The following OCA2 variants were observed in gnomAD, a reference collection of about 807,000 sequenced individuals.
OCA2 encodes the protein P protein.
A neutral mutation model predicts 100.2 loss-of-function variants in OCA2; 77 were observed. The observed-to-expected ratio is 0.77, with a 90% confidence interval of 0.64 to 0.93. OCA2 has a LOEUF of 0.93. Among genes scored for constraint, OCA2 ranks in the 40% least tolerant of loss-of-function variants. The pLI, the probability that OCA2 is intolerant of heterozygous loss-of-function variation, is 0.00. For missense variants in OCA2, 1,062 were observed against 1,089.1 expected, an observed-to-expected ratio of 0.98 and a Z score of 0.35; for synonymous variants, 432 against 439.2, an observed-to-expected ratio of 0.98 and a Z score of 0.21.
intron 23 of OCA2, among the ~76,000 whole-genome samples, chr15:27,835,601 T>C (rs932985358): frequency 6.6e-6 from 1 of 152,248 alleles, no homozygotes; most frequent in African/African-American, 2.4e-5. Flanking sequence ...CATTTTGGGA[T>C]GACTTGTTAG....
At chr15:27,788,622 T>C (rs1165923129) in intron 23 of OCA2, among the ~76,000 whole-genome samples, 1 of 152,118 alleles carries the variant, frequency 6.6e-6, no homozygotes, top group Non-Finnish European at 1.5e-5. Context: ...AACCTAAATA[T>C]GTAAACAGAT....
intron 2 of OCA2, 25 bp from the exon 3 acceptor site, chr15:28,032,188 G>A (rs2042925371): frequency 2.0e-6 from 3 of 1,511,080 alleles, no homozygotes; most frequent in Non-Finnish European, 2.8e-6. Context: ...GTAGGAAACA[G>A]AATCACCAAC....
At chr15:28,007,040 T>C (rs1488444881) in intron 9 of OCA2, among the ~76,000 whole-genome samples, 1 of 152,294 alleles carries the variant, frequency 6.6e-6, no homozygotes, top group East Asian at 1.9e-4. Flanking sequence ...AAATTAAATA[T>C]GAAAGGACCC....
intron 19 of OCA2, among the ~76,000 whole-genome samples, chr15:27,906,730 TAAGTC>T (rs1420462927): frequency 1.4e-5 from 2 of 145,538 alleles, no homozygotes; most frequent in Non-Finnish European, 3.0e-5. Context: ...TTTTTAAAAA[TAAGTC>T]AATGAAAAAA....
At chr15:28,010,009 G>C (rs1266573410) in intron 9 of OCA2, among the ~76,000 whole-genome samples, 1 of 151,956 alleles carries the variant, frequency 6.6e-6, no homozygotes, top group Non-Finnish European at 1.5e-5. Flanking sequence ...ACATTAGAAA[G>C]GAAGGATTTA....
At position 28,055,431 on chromosome 15, in the gene OCA2, T is replaced by A. The variant is rs2043660459; in HGVS notation, c.228-23268A>T. Among the ~76,000 whole-genome samples, 2 of 152,244 alleles carry A rather than the reference T, an allele frequency of 1.3e-5. 1 individual carries two copies. The highest frequency in any genetic ancestry group is 4.1e-4 in the South Asian group (2 of 4,830). On this transcript the variant is annotated intron_variant, in intron 2 of 23. Coordinates refer to ENST00000354638, the MANE Select transcript of OCA2 (RefSeq NM_000275.3). ...TCTTCCAGGTTTGCTTTCATTTCAATGCTGTTTCCCCTGAGAACCGCTCAT... is the reference window on the plus strand; with the variant it reads ...TCTTCCAGGTTTGCTTTCATTTCAAAGCTGTTTCCCCTGAGAACCGCTCAT...
chr15:28,075,558 A>G (rs2044404055), intron 2 of OCA2, among the ~76,000 whole-genome samples: 1 of 152,228 alleles, frequency 6.6e-6, no homozygotes, highest in South Asian at 2.1e-4. Context: ...TAACTCAGCA[A>G]TCTCATTCTT....
intron 23 of OCA2, among the ~76,000 whole-genome samples, chr15:27,759,736 T>C (rs1006073968): frequency 2.0e-5 from 3 of 152,114 alleles, no homozygotes; most frequent in African/African-American, 4.8e-5. Context: ...CACAAATGGA[T>C]TGTAGACTGA....
the OCA2 span, among the ~76,000 whole-genome samples, chr15:27,740,617 G>A: frequency 1.8e-4 from 28 of 152,150 alleles, no homozygotes; most frequent in Non-Finnish European, 1.3e-4. Context: ...AGTTACACAT[G>A]GTCCTTGATT....
intron 22 of OCA2, among the ~76,000 whole-genome samples, chr15:27,849,580 C>A (rs1350860729): frequency 6.6e-6 from 1 of 151,228 alleles, no homozygotes; most frequent in Non-Finnish European, 1.5e-5. Flanking sequence ...CAGTGAATCA[C>A]CTCCAATTTA....
chr15:27,999,944 CATG>C (rs1458582904), intron 9 of OCA2, among the ~76,000 whole-genome samples: 1 of 152,042 alleles, frequency 6.6e-6, no homozygotes, highest in Admixed American at 6.6e-5. Context: ...GACAGTAAGA[CATG>C]AATGAAGAAA....
chr15:27,851,274 C>T, intron 22 of OCA2, 108 bp downstream of exon 22: 1 of 921,518 alleles, frequency 1.1e-6, no homozygotes, highest in Non-Finnish European at 1.7e-6. Context: ...GGAAATCATC[C>T]AGACTCTCCT....
chr15:28,063,871 C>A (rs192469880), intron 2 of OCA2, among the ~76,000 whole-genome samples: 1 of 152,092 alleles, frequency 6.6e-6, no homozygotes, highest in African/African-American at 2.4e-5. Flanking sequence ...TTTTCCTATA[C>A]AGATTTCTTT....
At chr15:27,798,460 T>C (rs2033443158) in intron 23 of OCA2, among the ~76,000 whole-genome samples, 1 of 152,212 alleles carries the variant, frequency 6.6e-6, no homozygotes, top group Admixed American at 6.5e-5. Flanking sequence ...ATTGTTTATA[T>C]ATGAAAAAGT....
At chr15:27,895,785 C>T in intron 19 of OCA2, 1 of 392,306 alleles carries the variant, frequency 2.5e-6, no homozygotes, top group Non-Finnish European at 4.8e-6. Flanking sequence ...GAGGGTGAAA[C>T]TGAGTATTAT....
intron 1 of OCA2, among the ~76,000 whole-genome samples, chr15:28,093,603 C>T (rs2044910823): frequency 1.3e-5 from 2 of 151,988 alleles, no homozygotes; most frequent in African/African-American, 4.8e-5. Flanking sequence ...CACTCCTGGA[C>T]ATTAATCCCA....
At chr15:27,890,463 A>G (rs1212531780) in intron 19 of OCA2, among the ~76,000 whole-genome samples, 1 of 152,212 alleles carries the variant, frequency 6.6e-6, no homozygotes, top group African/African-American at 2.4e-5. Context: ...ATGCAGCCAG[A>G]AAGTACTATG....
At chr15:27,877,641 T>G (rs2036846476) in intron 19 of OCA2, among the ~76,000 whole-genome samples, 1 of 152,056 alleles carries the variant, frequency 6.6e-6, no homozygotes, top group South Asian at 2.1e-4. Flanking sequence ...ATTACCTGCA[T>G]GCTATGTATT....
chr15:28,081,817 G>T lies in OCA2; in HGVS notation c.58C>A (p.Leu20Met), dbSNP rs748332005. ...AGTCCGCTGGGCACGGACGTCTGCA[G>T]GAGCTCCACCGCCGGCGCGCCGGGG... ...RYPGAPAVELLQTSVPSGLAE... is the reference protein window; with the variant it reads ...RYPGAPAVELMQTSVPSGLAE... The change falls in exon 2 of 24, where the codon CTG becomes ATG. Residue 20 changes from leucine (L) to methionine (M), a missense_variant. Transcript: ENST00000354638. 3 of 1,612,210 alleles carry T rather than the reference G, an allele frequency of 1.9e-6. No homozygotes were observed. In the East Asian group the frequency reaches 6.7e-5, roughly 36 times the overall value.
Sources: gnomAD v4.1 joint callset for allele counts (sites outside exome capture counted in the v4.1 genomes callset) on GRCh38, gnomAD v4.1.1 for gene constraint, MANE v1.5 for transcripts, NCBI Gene and HGNC (gene_info 2026-07-23, HGNC 2026-07-21) for gene names.